The following UGGT2 variants were observed in gnomAD, a reference collection of about 807,000 sequenced individuals.
The protein encoded by UGGT2 is UDP-glucose glycoprotein glucosyltransferase 2, also known as UDP-glucose:glycoprotein glucosyltransferase 2.
UGGT2 carries 180 observed loss-of-function variants against 192.1 expected under a neutral mutation model. That is an observed-to-expected ratio of 0.94 (90% CI 0.83 to 1.06). UGGT2 has a LOEUF of 1.06. Ranked by LOEUF, UGGT2 falls within the 50% of genes least tolerant of loss-of-function variation. The pLI is 0.00. For missense variants in UGGT2, 1,849 were observed against 1,795.7 expected, an observed-to-expected ratio of 1.03 and a Z score of -0.54; for synonymous variants, 580 against 591.0, an observed-to-expected ratio of 0.98 and a Z score of 0.27.
chr13:95,852,603 C>T (rs1398839402), intron 36 of UGGT2, among the ~76,000 whole-genome samples: 1 of 152,058 alleles, frequency 6.6e-6, no homozygotes, highest in Non-Finnish European at 1.5e-5. Flanking sequence ...ATATCTGGCA[C>T]ATAGCAGGTA....
rs771622525 is a variant in UGGT2, at chr13:95,970,188, A to AT, written c.1258dup (p.Met420AsnfsTer29). The AT allele has an allele frequency of 1.2e-6, 2 of 1,613,040 alleles. No homozygotes were observed. Among genetic ancestry groups the AT allele is most frequent in the African/African-American group, 1.3e-5 (1 of 75,014 alleles). ...TGAATTTAATTTTAAAAATTTGCTC[A>AT]TATCTTCCCCATTGATCCCAAGATT... is the stretch of plus-strand genomic sequence containing the variant. On this transcript the variant is annotated frameshift_variant, in exon 12 of 39. Coordinates refer to ENST00000376747, the MANE Select transcript of UGGT2 (RefSeq NM_020121.4). LOFTEE classifies it high-confidence loss of function.
intron 36 of UGGT2, 109 bp from the exon 37 acceptor site, chr13:95,837,311 T>G (rs547977161): frequency 9.3e-6 from 7 of 750,900 alleles, no homozygotes; most frequent in African/African-American, 1.8e-5. Flanking sequence ...ATAAAACATA[T>G]GCAAATCTGA....
chr13:95,927,849 T>G (rs950641595), intron 17 of UGGT2, among the ~76,000 whole-genome samples: 1 of 152,168 alleles, frequency 6.6e-6, no homozygotes, highest in African/African-American at 2.4e-5. Context: ...TACTTGAGAT[T>G]CGGGAGTGGT....
chr13:95,889,467 G>A lies in UGGT2; in HGVS notation c.2958+1395C>T, dbSNP rs550813883. 1.5e-4 allele frequency among the ~76,000 whole-genome samples: 23 copies of A among 152,166 alleles called. No homozygotes were observed. In the South Asian group the frequency reaches 2.5e-3, roughly 16 times the overall value. On this transcript the variant is annotated intron_variant, in intron 25 of 38. Transcript: ENST00000376747. ...GCATTTTGAAATTTTGATATACAGC[G>A]AATCATATGGCTTGATCACTTACAT...
intron 4 of UGGT2, among the ~76,000 whole-genome samples, chr13:96,019,914 G>T (rs1183048200): frequency 6.6e-6 from 1 of 152,178 alleles, no homozygotes; most frequent in Non-Finnish European, 1.5e-5. Context: ...GAGCCCACCA[G>T]CTGTTAACTT....
At chr13:95,817,385 G>A (rs1885011676) in intron 38 of UGGT2, among the ~76,000 whole-genome samples, 1 of 152,142 alleles carries the variant, frequency 6.6e-6, no homozygotes, top group Non-Finnish European at 1.5e-5. Flanking sequence ...AGGAGTTGGA[G>A]ACCAGCCTGG....
At position 96,053,292 on chromosome 13, in the gene UGGT2, C is replaced by T. The variant is rs752693358; in HGVS notation, c.21G>A (p.Thr7=). 6.3e-7 allele frequency: 1 copy of T among 1,578,598 alleles called. No homozygotes were observed. Among genetic ancestry groups the T allele is most frequent in the Non-Finnish European group, 8.5e-7 (1 of 1,171,474 alleles). Residue 7 remains threonine, a synonymous_variant, in exon 1 of 39, where the codon ACG becomes ACA. Coordinates refer to ENST00000376747, the MANE Select transcript of UGGT2 (RefSeq NM_020121.4). The part of the protein sequence containing the change: MAPAKA[T]NVVRLLLGST... ...AGCCTAGTAGCAGCCGCACCACGTT[C>T]GTGGCTTTCGCTGGCGCCATGGCAC...
At chr13:95,937,602 C>A (rs1372696519) in intron 16 of UGGT2, among the ~76,000 whole-genome samples, 1 of 152,152 alleles carries the variant, frequency 6.6e-6, no homozygotes, top group Non-Finnish European at 1.5e-5. Context: ...AGCTGAAAGT[C>A]TTTTCTCAAG....
rs778483829 is a variant in UGGT2 at position 95,903,042 on chromosome 13, G to A, written c.2314C>T (p.Arg772Trp). ...GTAGGATTATAAATAATCCCCAACCGACTATGAACACTTGTTTTCTGCAAA... is the reference window on the plus strand; with the variant it reads ...GTAGGATTATAAATAATCCCCAACCAACTATGAACACTTGTTTTCTGCAAA... ...LKHMKTSVHSRLGIIYNPTSK... is the reference protein window; with the variant it reads ...LKHMKTSVHSWLGIIYNPTSK... Residue 772 changes from arginine to tryptophan, a missense_variant, in exon 21 of 39, where the codon CGG (arginine) becomes TGG (tryptophan). By Grantham distance (101) the Arg-to-Trp change is moderately radical. Transcript: ENST00000376747. 145 of 1,610,868 alleles carry A rather than the reference G, an allele frequency of 9.0e-5. No individual in the cohort carries two copies. The highest frequency in any genetic ancestry group is 1.2e-4 in the Non-Finnish European group (141 of 1,179,218).
intron 15 of UGGT2, among the ~76,000 whole-genome samples, chr13:95,942,065 TATG>T (rs1407835701): frequency 7.2e-5 from 11 of 152,372 alleles, no homozygotes; most frequent in African/African-American, 2.6e-4. Context: ...TGCTCTTGCA[TATG>T]ATATTTCATT....
intron 4 of UGGT2, among the ~76,000 whole-genome samples, chr13:96,018,272 C>T (rs2052400254): frequency 6.6e-6 from 1 of 152,080 alleles, no homozygotes; most frequent in East Asian, 1.9e-4. Flanking sequence ...TCCCAGCACT[C>T]TGGGAGGCTG....
chr13:95,861,202 T>A (rs1319980654), intron 31 of UGGT2, among the ~76,000 whole-genome samples: 1 of 152,070 alleles, frequency 6.6e-6, no homozygotes, highest in Non-Finnish European at 1.5e-5. Flanking sequence ...CCATATCTAG[T>A]GTACTGAAAG....
chr13:95,853,504 T>C (rs765734531), intron 36 of UGGT2, 39 bp downstream of exon 36: 3 of 1,557,494 alleles, frequency 1.9e-6, no homozygotes, highest in African/African-American at 1.4e-5. Context: ...ACAGTCTATG[T>C]ACACACACTC....
Position 96,043,507 on chromosome 13 carries a change from T to C in UGGT2, c.158+9648A>G, listed in dbSNP as rs569855858. ...ACAAATAGCACAATGAATAGAATGGTACCTCACATCTCAATACTAACATTG... is the reference window on the plus strand; with the variant it reads ...ACAAATAGCACAATGAATAGAATGGCACCTCACATCTCAATACTAACATTG... On this transcript the variant is annotated intron_variant, in intron 1 of 38. Transcript: ENST00000376747. Among the ~76,000 whole-genome samples the C allele has an allele frequency of 4.6e-4, 70 of 152,206 alleles. No homozygotes were observed. In the South Asian group the frequency reaches 0.014, roughly 30 times the overall value.
At chr13:95,921,065 C>T (rs2048830022) in intron 20 of UGGT2, among the ~76,000 whole-genome samples, 1 of 152,084 alleles carries the variant, frequency 6.6e-6, no homozygotes, top group South Asian at 2.1e-4. Context: ...GAGTTGGAAG[C>T]CATTATCCTC....
At chr13:95,840,918 G>A (rs1347222044) in intron 36 of UGGT2, among the ~76,000 whole-genome samples, 1 of 152,152 alleles carries the variant, frequency 6.6e-6, no homozygotes, top group Admixed American at 6.5e-5. Context: ...GATGAAGCTG[G>A]AAACCATCAT....
intron 32 of UGGT2, chr13:95,859,891 A>G: frequency 2.7e-6 from 1 of 376,980 alleles, no homozygotes; most frequent in Non-Finnish European, 4.8e-6. Context: ...TCACAATGAA[A>G]TGTGAAGAAA....
intron 26 of UGGT2, among the ~76,000 whole-genome samples, chr13:95,886,491 C>T (rs2047650164): frequency 6.6e-6 from 1 of 152,162 alleles, no homozygotes; most frequent in Admixed American, 6.5e-5. Flanking sequence ...AGGACCCCTA[C>T]TCCTGTGAAT....
intron 14 of UGGT2, 41 bp from the exon 15 acceptor site, chr13:95,947,213 T>C: frequency 1.3e-6 from 2 of 1,526,834 alleles, no homozygotes; most frequent in African/African-American, 2.8e-5. Flanking sequence ...TAATTACCTC[T>C]TGAATCACAA....
Sources: gnomAD v4.1 joint callset for allele counts (sites outside exome capture counted in the v4.1 genomes callset) on GRCh38, gnomAD v4.1.1 for gene constraint, MANE v1.5 for transcripts, NCBI Gene and HGNC (gene_info 2026-07-23, HGNC 2026-07-21) for gene names.